The following ZFAT variants were observed in gnomAD, a reference collection of about 807,000 sequenced individuals.
ZFAT encodes the protein zinc finger protein ZFAT.
ZFAT carries 64 observed loss-of-function variants against 117.7 expected under a neutral mutation model. The observed-to-expected ratio is 0.54, with a 90% CI of 0.44 to 0.67. The LOEUF is 0.67. Ranked by LOEUF, ZFAT falls within the 30% of genes least tolerant of loss-of-function variation. The pLI is 0.00. For synonymous variants in ZFAT, 679 were observed against 615.0 expected (o/e 1.10, Z -1.54); for missense variants, 1,433 against 1,584.5 (o/e 0.90, Z 1.62).
intron 13 of ZFAT, among the ~76,000 whole-genome samples, chr8:134,517,655 C>A (rs1440989418): frequency 6.6e-6 from 1 of 152,212 alleles, no homozygotes; most frequent in Admixed American, 6.5e-5. Context: ...TTCTCTGTTT[C>A]AGGATCCAAT....
intron 7 of ZFAT, chr8:134,597,471 T>G (rs1003117443): frequency 6.6e-6 from 1 of 152,298 alleles, no homozygotes; most frequent in African/African-American, 2.4e-5. Flanking sequence ...AATCTACTCA[T>G]AACCTCAGAA....
intron 2 of ZFAT, among the ~76,000 whole-genome samples, chr8:134,649,870 G>A (rs937224349): frequency 3.6e-5 from 4 of 111,470 alleles, no homozygotes; most frequent in African/African-American, 1.5e-4. Flanking sequence ...CATGTCAAGG[G>A]TGGGACCAGG....
At chr8:134,659,755 A>G (rs986148373) in intron 1 of ZFAT, among the ~76,000 whole-genome samples, 3 of 152,054 alleles carry the variant, frequency 2.0e-5, no homozygotes, top group Non-Finnish European at 2.9e-5. Flanking sequence ...AAACTCTCCT[A>G]CCAGAAAGAG....
chr8:134,739,322 C>T, the ZFAT span, among the ~76,000 whole-genome samples: 1 of 151,058 alleles, frequency 6.6e-6, no homozygotes, highest in African/African-American at 2.4e-5. Flanking sequence ...TGTGTGTACA[C>T]ATGCATGTCT....
At chr8:134,782,326 A>G in the ZFAT span, among the ~76,000 whole-genome samples, 24 of 152,336 alleles carry the variant, frequency 1.6e-4, no homozygotes, top group South Asian at 1.2e-3. Context: ...TTATTCCTTT[A>G]TATTTCAAAG....
upstream of ZFAT, among the ~76,000 whole-genome samples, chr8:134,716,791 A>G (rs555726753): frequency 6.6e-6 from 1 of 152,282 alleles, no homozygotes; most frequent in Non-Finnish European, 1.5e-5. Context: ...CTGTGTAATT[A>G]CAAAACTAGT....
chr8:134,717,672 G>C (rs13262791), upstream of ZFAT, among the ~76,000 whole-genome samples: 15,439 of 149,566 alleles, frequency 0.1, 1,016 homozygotes, highest in Non-Finnish European at 0.16. Context: ...ATTTTTAGTA[G>C]AGACGGGGTT....
At chr8:134,621,088 G>A (rs775584564) in intron 3 of ZFAT, among the ~76,000 whole-genome samples, 3 of 151,500 alleles carry the variant, frequency 2.0e-5, no homozygotes, top group Non-Finnish European at 4.4e-5. Context: ...TTAGCCAAGA[G>A]AAAACAGAAT....
At chr8:134,492,582 TA>T (rs1439403923) in intron 15 of ZFAT, among the ~76,000 whole-genome samples, 1 of 152,184 alleles carries the variant, frequency 6.6e-6, no homozygotes, top group Non-Finnish European at 1.5e-5. Context: ...ACTCACTGCT[TA>T]AATTATAACC....
At chr8:134,532,623 C>G (rs1460280188) in intron 12 of ZFAT, among the ~76,000 whole-genome samples, 17 of 152,176 alleles carry the variant, frequency 1.1e-4, no homozygotes, top group Admixed American at 1.1e-3. Flanking sequence ...TAGACTTCCA[C>G]TAAGGTTGTT....
At chr8:134,623,851 G>T (rs553953973) in intron 3 of ZFAT, among the ~76,000 whole-genome samples, 7 of 151,488 alleles carry the variant, frequency 4.6e-5, no homozygotes, top group Non-Finnish European at 1.5e-5. Context: ...CTGCCCCAGC[G>T]AGCCACCAGA....
chr8:134,485,986 G>A (rs1449698521), intron 15 of ZFAT, among the ~76,000 whole-genome samples: 1 of 152,232 alleles, frequency 6.6e-6, no homozygotes, highest in Non-Finnish European at 1.5e-5. Flanking sequence ...CCGCCTTCCT[G>A]TTCAGTCCTG....
intron 1 of ZFAT, among the ~76,000 whole-genome samples, chr8:134,694,621 C>T (rs1483088596): frequency 6.6e-6 from 1 of 152,188 alleles, no homozygotes; most frequent in African/African-American, 2.4e-5. Context: ...TAGCCATCCT[C>T]CTAGTTCATT....
At chr8:134,542,053 G>A (rs1450351369) in intron 11 of ZFAT, among the ~76,000 whole-genome samples, 1 of 152,214 alleles carries the variant, frequency 6.6e-6, no homozygotes, top group African/African-American at 2.4e-5. Flanking sequence ...TACAAGGCCT[G>A]CCTGATCCAG....
At chr8:134,713,192 T>A (rs573016340), upstream of ZFAT, 17 of 230,922 alleles carry the variant, frequency 7.4e-5, no homozygotes, top group South Asian at 2.3e-3. Flanking sequence ...CGGATTCCGC[T>A]GCGCCGCGTT....
At chr8:134,537,933 A>AG (rs915959032) in intron 11 of ZFAT, among the ~76,000 whole-genome samples, 1 of 152,188 alleles carries the variant, frequency 6.6e-6, no homozygotes, top group African/African-American at 2.4e-5. Context: ...AAGGCAAGGA[A>AG]GGCCACCAGC....
intron 10 of ZFAT, among the ~76,000 whole-genome samples, chr8:134,582,860 CTG>C (rs1044806327): frequency 6.6e-6 from 1 of 152,312 alleles, no homozygotes; most frequent in African/African-American, 2.4e-5. Context: ...TTAAAAATCA[CTG>C]TTGAAATAAT....
At chr8:134,524,188 A>G (rs1359207564) in intron 12 of ZFAT, among the ~76,000 whole-genome samples, 1 of 151,856 alleles carries the variant, frequency 6.6e-6, no homozygotes, top group East Asian at 1.9e-4. Flanking sequence ...CTGTCCCCTC[A>G]CCAAATAAGT....
At chr8:134,624,241 C>T (rs541963682) in intron 3 of ZFAT, among the ~76,000 whole-genome samples, 1 of 152,148 alleles carries the variant, frequency 6.6e-6, no homozygotes, top group Admixed American at 6.5e-5. Context: ...ATGAGCTTCC[C>T]ACACCTTACT....
Sources: allele counts gnomAD v4.1 joint callset (sites outside exome capture counted in the v4.1 genomes callset), GRCh38; gene constraint gnomAD v4.1.1; transcripts MANE v1.5; gene names NCBI Gene and HGNC (gene_info 2026-07-23, HGNC 2026-07-21).